TATDN1: variants seen among roughly 807,000 people sequenced by gnomAD.
The protein encoded by TATDN1 is TatD DNase domain containing 1.
In TATDN1, 40 loss-of-function variants were observed where a neutral mutation model predicts 46.4. That is an observed-to-expected ratio of 0.86 (90% CI 0.67 to 1.12). The LOEUF (loss-of-function observed/expected upper bound fraction) is 1.12, where lower values mean the gene tolerates loss of function less well. TATDN1 is among the 50% of genes most tolerant of loss of function. The pLI, the probability that TATDN1 is intolerant of heterozygous loss-of-function variation, is 0.00. For missense variants in TATDN1, 326 were observed against 348.4 expected, an observed-to-expected ratio of 0.94 and a Z score of 0.51; for synonymous variants, 95 against 105.6, an observed-to-expected ratio of 0.90 and a Z score of 0.62.
intron 1 of TATDN1, among the ~76,000 whole-genome samples, chr8:124,529,980 T>C (rs1017153268): frequency 2.6e-5 from 4 of 151,990 alleles, no homozygotes; most frequent in African/African-American, 9.7e-5. Context: ...TAATCCCAGC[T>C]CTTGGGATGC....
At chr8:124,520,160 G>C (rs1819898571) in intron 3 of TATDN1, among the ~76,000 whole-genome samples, 1 of 152,192 alleles carries the variant, frequency 6.6e-6, no homozygotes, top group African/African-American at 2.4e-5. Context: ...TGTAAGGCAG[G>C]GCGCAGTGGC....
chr8:124,500,135 G>C (rs1817832326), intron 9 of TATDN1, among the ~76,000 whole-genome samples: 1 of 152,086 alleles, frequency 6.6e-6, no homozygotes, highest in Non-Finnish European at 1.5e-5. Context: ...GAGCCACAAT[G>C]CCTGGCCATC....
intron 4 of TATDN1, among the ~76,000 whole-genome samples, chr8:124,517,026 G>A (rs181397527): frequency 1.3e-5 from 2 of 152,220 alleles, no homozygotes; most frequent in Non-Finnish European, 2.9e-5. Flanking sequence ...GGTAATGGAG[G>A]TGGGAGAACT....
chr8:124,492,194 C>T (rs1373950796), intron 11 of TATDN1, among the ~76,000 whole-genome samples: 2 of 151,984 alleles, frequency 1.3e-5, no homozygotes, highest in African/African-American at 2.4e-5. Flanking sequence ...AGGCTGGTCT[C>T]GAGCACCTGA....
intron 11 of TATDN1, among the ~76,000 whole-genome samples, chr8:124,492,180 G>A (rs933258291): frequency 6.6e-5 from 10 of 151,974 alleles, no homozygotes; most frequent in Admixed American, 2.0e-4. Context: ...TCACCATGTT[G>A]GCCAGGCTGG....
rs372426034 is a variant in TATDN1 at position 124,526,278 on chromosome 8, T to C, written c.23-3276A>G. ...TGTCCTGGGCTGCAGTCCTCAACTG[T>C]TGTGCTTGAATAAACTCTGTAAACT... is the stretch of plus-strand genomic sequence containing the variant. On this transcript the variant is annotated intron_variant, in intron 1 of 11. Coordinates refer to ENST00000276692, the MANE Select transcript of TATDN1 (RefSeq NM_032026.4). 4.6e-5 allele frequency among the ~76,000 whole-genome samples: 7 copies of C among 152,368 alleles called. No homozygotes were observed. In the East Asian group the frequency reaches 1.2e-3, roughly 25 times the overall value.
chr8:124,535,046 C>A (rs1456595652), intron 1 of TATDN1, among the ~76,000 whole-genome samples: 1 of 152,218 alleles, frequency 6.6e-6, no homozygotes, highest in Non-Finnish European at 1.5e-5. Flanking sequence ...GTGAACAACT[C>A]AACCTTCAGT....
At chr8:124,534,140 C>A (rs1181741184) in intron 1 of TATDN1, among the ~76,000 whole-genome samples, 2 of 77,748 alleles carry the variant, frequency 2.6e-5, no homozygotes, top group Non-Finnish European at 2.2e-5. Context: ...AGCGAGACTC[C>A]GTCTCAAAAA....
intron 1 of TATDN1, among the ~76,000 whole-genome samples, chr8:124,531,248 C>A (rs372176251): frequency 1.3e-5 from 2 of 152,258 alleles, no homozygotes; most frequent in South Asian, 4.1e-4. Context: ...AGTGCACAGA[C>A]CAACCAGTAA....
chr8:124,488,798 T>C (rs1185767715), intron 11 of TATDN1, 102 bp from the exon 12 acceptor site: 2 of 713,960 alleles, frequency 2.8e-6, no homozygotes, highest in East Asian at 2.7e-5. Context: ...TGGCACACCT[T>C]TAATATAATA....
At chr8:124,524,981 A>G (rs780652507) in intron 1 of TATDN1, among the ~76,000 whole-genome samples, 2 of 152,088 alleles carry the variant, frequency 1.3e-5, no homozygotes, top group African/African-American at 2.4e-5. Context: ...ACGTCCCAGT[A>G]TAGTCTCTGG....
At chr8:124,524,772 T>A (rs1174226719) in intron 1 of TATDN1, among the ~76,000 whole-genome samples, 1 of 152,080 alleles carries the variant, frequency 6.6e-6, no homozygotes, top group Non-Finnish European at 1.5e-5. Context: ...CCAAGTAGAA[T>A]GGGGATCAAC....
At chr8:124,539,000 A>C in intron 1 of TATDN1, 25 bp downstream of exon 1, 2 of 1,608,630 alleles carry the variant, frequency 1.2e-6, no homozygotes, top group Non-Finnish European at 1.7e-6. Flanking sequence ...GAAAGACCCA[A>C]GGGCGTGGAA....
chr8:124,528,760 G>C (rs1820715474), intron 1 of TATDN1, among the ~76,000 whole-genome samples: 2 of 152,196 alleles, frequency 1.3e-5, no homozygotes, highest in African/African-American at 2.4e-5. Context: ...CCCAGGAAAA[G>C]TCTTGATAAT....
In TATDN1 at chr8:124,508,626, C is replaced by T. The variant is rs771415518; in HGVS notation, c.452G>A (p.Arg151Gln). The change falls in exon 7 of 12, where the codon CGA (arginine) becomes CAA (glutamine). Residue 151 changes from arginine (R) to glutamine (Q), a missense_variant. Arg to Gln is a conservative substitution (Grantham distance 43). Coordinates refer to ENST00000276692, the MANE Select transcript of TATDN1 (RefSeq NM_032026.4). ...QTKLPMFLHC[R>Q]NSHAEFLDIM... is the part of the protein sequence containing the mutation. ...ACCCAAAAATTCAGCATGTGAGTTT[C>T]GACAATGAAGAAACATTGGTAATTT... 1.3e-5 allele frequency: 21 copies of T among 1,602,312 alleles called. No homozygotes were observed. The East Asian group carries it at 2.7e-4, about 21-fold the overall frequency.
chr8:124,525,391 C>T (rs1259783298), intron 1 of TATDN1, among the ~76,000 whole-genome samples: 2 of 152,086 alleles, frequency 1.3e-5, no homozygotes, highest in Admixed American at 1.3e-4. Flanking sequence ...AGGAGCTCCA[C>T]CCACCTTGGC....
chr8:124,535,188 T>C (rs1821323556), intron 1 of TATDN1, among the ~76,000 whole-genome samples: 1 of 152,196 alleles, frequency 6.6e-6, no homozygotes, highest in Admixed American at 6.5e-5. Context: ...ATCAGTCATC[T>C]TAGCAGCATA....
intron 1 of TATDN1, among the ~76,000 whole-genome samples, chr8:124,528,492 C>T (rs1820695698): frequency 6.6e-6 from 1 of 151,960 alleles, no homozygotes; most frequent in Admixed American, 6.6e-5. Flanking sequence ...TTCTATTTCA[C>T]CTGAAGTACT....
At chr8:124,499,514 C>T (rs1293173292) in intron 9 of TATDN1, among the ~76,000 whole-genome samples, 3 of 152,032 alleles carry the variant, frequency 2.0e-5, no homozygotes, top group Non-Finnish European at 4.4e-5. Context: ...AGCAACTACA[C>T]GATTCTGAAG....
Sources: allele counts gnomAD v4.1 joint callset (sites outside exome capture counted in the v4.1 genomes callset), GRCh38; gene constraint gnomAD v4.1.1; transcripts MANE v1.5; gene names NCBI Gene and HGNC (gene_info 2026-07-23, HGNC 2026-07-21).